The following STPG2 variants were observed in gnomAD, a reference collection of about 807,000 sequenced individuals.
STPG2 encodes the protein sperm-tail PG-rich repeat-containing protein 2.
A neutral mutation model predicts 54.2 loss-of-function variants in STPG2; 56 were observed. The observed-to-expected ratio is 1.03, with a 90% CI of 0.83 to 1.29. STPG2 has a LOEUF of 1.29. Among genes scored for constraint, STPG2 ranks in the 50% most tolerant of loss-of-function variants. STPG2 has a pLI of 0.00. For missense variants in STPG2, 596 were observed against 544.9 expected (o/e 1.09, Z -0.93); for synonymous variants, 200 against 181.8 (o/e 1.10, Z -0.81).
intron 5 of STPG2, among the ~76,000 whole-genome samples, chr4:97,985,971 T>TAC (rs34980724): frequency 0.26 from 39,705 of 150,068 alleles, 5,586 homozygotes; most frequent in Middle Eastern, 0.36. Context: ...CACACACACA[T>TAC]ACACACACAC....
chr4:97,470,737 C>G (rs559553759), intron 4 of STPG2, among the ~76,000 whole-genome samples: 3 of 152,056 alleles, frequency 2.0e-5, no homozygotes, highest in Admixed American at 6.6e-5. Flanking sequence ...ATGCACAATT[C>G]TTGTGATAAT....
intron 5 of STPG2, among the ~76,000 whole-genome samples, chr4:98,033,164 A>C (rs888966075): frequency 1.3e-5 from 2 of 152,142 alleles, no homozygotes; most frequent in African/African-American, 4.8e-5. Context: ...TGAATCCAGG[A>C]GCTAGTTTTT....
At chr4:97,794,510 T>A (rs1236927814) in intron 9 of STPG2, among the ~76,000 whole-genome samples, 1 of 152,134 alleles carries the variant, frequency 6.6e-6, no homozygotes, top group Admixed American at 6.6e-5. Flanking sequence ...TCAAAAAGAA[T>A]AAGAAAATTG....
At chr4:97,473,935 G>A (rs1364636578) in intron 4 of STPG2, among the ~76,000 whole-genome samples, 1 of 152,032 alleles carries the variant, frequency 6.6e-6, no homozygotes, top group African/African-American at 2.4e-5. Flanking sequence ...TGGTCCCAGA[G>A]GTTAGGGAGG....
intron 5 of STPG2, among the ~76,000 whole-genome samples, chr4:98,035,438 G>T (rs1325888964): frequency 1.3e-5 from 2 of 151,938 alleles, no homozygotes; most frequent in Non-Finnish European, 2.9e-5. Context: ...ATCATTAAAA[G>T]TCAGGAAACA....
chr4:97,456,857 C>T (rs1189392298), intron 4 of STPG2, among the ~76,000 whole-genome samples: 8 of 134,820 alleles, frequency 5.9e-5, no homozygotes, highest in East Asian at 4.2e-4. Flanking sequence ...ATCGCGCCAC[C>T]GCACTCCAGC....
At chr4:97,833,403 C>T (rs1728530471) in intron 9 of STPG2, among the ~76,000 whole-genome samples, 1 of 152,000 alleles carries the variant, frequency 6.6e-6, no homozygotes, top group African/African-American at 2.4e-5. Flanking sequence ...CATAAAAACC[C>T]CAGAAGAAAA....
intron 5 of STPG2, among the ~76,000 whole-genome samples, chr4:98,087,414 C>G (rs1185962546): frequency 6.6e-6 from 1 of 152,264 alleles, no homozygotes; most frequent in East Asian, 1.9e-4. Context: ...GACAGTCTCA[C>G]TAGCCAACCA....
At chr4:97,729,063 T>TAATTTCTCTCTCTCTCTCTCTCTC (rs1724710920) in intron 9 of STPG2, among the ~76,000 whole-genome samples, 1 of 124,844 alleles carries the variant, frequency 8.0e-6, no homozygotes, top group Admixed American at 9.1e-5. Flanking sequence ...CCCCAAGAAT[T>TAATTTCTCTCTCTCTCTCTCTCTC]TCTCTCTCTC....
At chr4:97,567,716 G>A (rs1044651273) in intron 10 of STPG2, among the ~76,000 whole-genome samples, 2 of 151,642 alleles carry the variant, frequency 1.3e-5, no homozygotes, top group Non-Finnish European at 2.9e-5. Flanking sequence ...ATTAACATGT[G>A]TAAAACATCA....
At chr4:98,017,424 G>A (rs1224116218) in intron 5 of STPG2, among the ~76,000 whole-genome samples, 1 of 152,202 alleles carries the variant, frequency 6.6e-6, no homozygotes, top group African/African-American at 2.4e-5. Flanking sequence ...GGTTTACTGG[G>A]TTGGGCCTGG....
intron 8 of STPG2, among the ~76,000 whole-genome samples, chr4:97,897,432 T>A (rs1329972794): frequency 6.6e-6 from 1 of 152,142 alleles, no homozygotes; most frequent in Non-Finnish European, 1.5e-5. Flanking sequence ...AGTAATGGGA[T>A]CGCTGAGTTG....
intron 7 of STPG2, among the ~76,000 whole-genome samples, chr4:97,948,509 G>T (rs887718478): frequency 6.6e-6 from 1 of 151,990 alleles, no homozygotes; most frequent in Non-Finnish European, 1.5e-5. Flanking sequence ...GTTACATTAG[G>T]TTGTCAGTTT....
chr4:97,452,135 C>CCT (rs1729392562), intron 4 of STPG2, among the ~76,000 whole-genome samples: 1 of 99,880 alleles, frequency 1.0e-5, no homozygotes, highest in Non-Finnish European at 2.2e-5. Flanking sequence ...CCCCCCCCCC[C>CCT]GCCCCCAGCA....
chr4:97,922,047 G>A (rs980928417), intron 8 of STPG2, among the ~76,000 whole-genome samples: 1 of 152,134 alleles, frequency 6.6e-6, no homozygotes, highest in Non-Finnish European at 1.5e-5. Flanking sequence ...AGAGATTTAG[G>A]CCAATGGTTA....
chr4:97,567,659 TAAG>T (rs1732490419), intron 10 of STPG2, among the ~76,000 whole-genome samples: 1 of 151,924 alleles, frequency 6.6e-6, no homozygotes, highest in Non-Finnish European at 1.5e-5. Flanking sequence ...CATGTGGCTG[TAAG>T]AAGAGTAAGG....
At chr4:97,938,459 CA>C (rs1732843759) in intron 8 of STPG2, among the ~76,000 whole-genome samples, 1 of 152,210 alleles carries the variant, frequency 6.6e-6, no homozygotes, top group South Asian at 2.1e-4. Context: ...GTGACTAAGT[CA>C]GAAGGCTTAG....
chr4:98,075,767 C>A (rs778930471), intron 5 of STPG2, among the ~76,000 whole-genome samples: 3 of 152,106 alleles, frequency 2.0e-5, no homozygotes, highest in Non-Finnish European at 4.4e-5. Flanking sequence ...AAAATAGTTA[C>A]ATAATAATAA....
intron 1 of STPG2, among the ~76,000 whole-genome samples, chr4:98,138,021 G>A (rs1403581022): frequency 2.0e-5 from 3 of 151,968 alleles, no homozygotes; most frequent in African/African-American, 7.2e-5. Context: ...TGTGCCTAAT[G>A]TTTACAGTGA....
Sources: allele counts gnomAD v4.1 joint callset (sites outside exome capture counted in the v4.1 genomes callset), GRCh38; gene constraint gnomAD v4.1.1; transcripts MANE v1.5; gene names NCBI Gene and HGNC (gene_info 2026-07-23, HGNC 2026-07-21).